The following CALN1 variants were observed in gnomAD, a reference collection of about 807,000 sequenced individuals.
CALN1 encodes calcium-binding protein 8.
Under a neutral mutation model 30.6 loss-of-function variants are expected in CALN1, and 17 were observed. The observed-to-expected ratio is 0.56, with a 90% confidence interval of 0.38 to 0.83. The LOEUF is 0.83. Among genes scored for constraint, CALN1 ranks in the 40% least tolerant of loss-of-function variants. CALN1 has a pLI of 0.00. For synonymous variants in CALN1, 156 were observed against 131.4 expected (o/e 1.19, Z -1.28); for missense variants, 291 against 354.9 (o/e 0.82, Z 1.45).
chr7:71,826,256 G>T (rs987076875), intron 5 of CALN1, among the ~76,000 whole-genome samples: 1 of 151,960 alleles, frequency 6.6e-6, no homozygotes, highest in Admixed American at 6.6e-5. Flanking sequence ...CTAAGCCTCT[G>T]CAGTCGACCC....
intron 3 of CALN1, among the ~76,000 whole-genome samples, chr7:72,260,625 A>G (rs1796202192): frequency 6.6e-6 from 1 of 152,192 alleles, no homozygotes; most frequent in Non-Finnish European, 1.5e-5. Flanking sequence ...GGAGTAGCAC[A>G]AAACCATGAT....
At chr7:72,165,526 T>G (rs1254343882) in intron 3 of CALN1, among the ~76,000 whole-genome samples, 1 of 151,736 alleles carries the variant, frequency 6.6e-6, no homozygotes, top group Non-Finnish European at 1.5e-5. Flanking sequence ...ACGCAGAGTA[T>G]GCAGCAAGTT....
chr7:72,098,763 C>T (rs113852412), intron 4 of CALN1, among the ~76,000 whole-genome samples: 1 of 54,228 alleles, frequency 1.8e-5, no homozygotes, highest in African/African-American at 6.5e-5. Context: ...CCATTTGGCG[C>T]GCACACACAC....
At chr7:71,901,716 T>C (rs1220553537) in intron 5 of CALN1, among the ~76,000 whole-genome samples, 1 of 152,114 alleles carries the variant, frequency 6.6e-6, no homozygotes, top group African/African-American at 2.4e-5. Context: ...TGGAGAGCCA[T>C]ATGCAGAAAA....
At position 72,363,635 on chromosome 7, in the gene CALN1, G is replaced by C. The variant is rs530637576; in HGVS notation, c.119+39616C>G. Among the ~76,000 whole-genome samples the C allele has an allele frequency of 1.3e-4, 20 of 151,752 alleles. 1 individual carries two copies. In the South Asian group the frequency reaches 3.8e-3, roughly 29 times the overall value. ...TTAATAGACACAAAATGTTGAAAGTGAAAGTACTGACAGCAGGCATTCATT... is the reference window on the plus strand; with the variant it reads ...TTAATAGACACAAAATGTTGAAAGTCAAAGTACTGACAGCAGGCATTCATT... On this transcript the variant is annotated intron_variant, in intron 2 of 6. Coordinates refer to ENST00000395275, the MANE Select transcript of CALN1 (RefSeq NM_031468.4).
At chr7:71,829,181 A>C (rs940740990) in intron 5 of CALN1, among the ~76,000 whole-genome samples, 3 of 152,188 alleles carry the variant, frequency 2.0e-5, no homozygotes, top group Non-Finnish European at 4.4e-5. Flanking sequence ...TAAACTTTCT[A>C]AATTAACTGA....
At chr7:72,101,773 T>G (rs1806684775) in intron 4 of CALN1, among the ~76,000 whole-genome samples, 1 of 152,156 alleles carries the variant, frequency 6.6e-6, no homozygotes, top group Non-Finnish European at 1.5e-5. Context: ...AGAGACTTCC[T>G]GCCCATCTCC....
intron 5 of CALN1, among the ~76,000 whole-genome samples, chr7:71,977,932 TAAAAAAAAAA>T (rs59155068): frequency 2.5e-5 from 3 of 118,738 alleles, no homozygotes; most frequent in African/African-American, 6.3e-5. Context: ...ACTCTGTCTT[TAAAAAAAAAA>T]AAAAAAAAAG....
At chr7:72,157,434 C>A (rs1787776523) in intron 3 of CALN1, among the ~76,000 whole-genome samples, 1 of 152,056 alleles carries the variant, frequency 6.6e-6, no homozygotes, top group Non-Finnish European at 1.5e-5. Context: ...TACGGGAGGA[C>A]TCAGGGGCTT....
chr7:71,786,745 A>G lies in CALN1; in HGVS notation c.*1030T>C, dbSNP rs1584203683. ...GTAAGATGCACAAGGACCTTAACTT[A>G]CAAAGGTCATCCGGCATAGAGACGT... On this transcript the variant is annotated 3_prime_UTR_variant, in exon 7 of 7. Coordinates refer to ENST00000395275, the MANE Select transcript of CALN1 (RefSeq NM_031468.4). The G allele has an allele frequency of 6.6e-6, 1 of 152,274 alleles. No individual in the cohort carries two copies. The highest frequency in any genetic ancestry group is 1.9e-4 in the East Asian group (1 of 5,158). The allele number at this position is 152,274 out of a possible 1,614,324, so 9.4% of individuals were successfully genotyped here. A position where few individuals can be genotyped will look rare whatever the true frequency, so the allele number is the denominator to read the frequency against.
In CALN1 at chr7:72,430,042, A is replaced by C. The variant is rs1454120307; in HGVS notation, c.-226+17000T>G. Among the ~76,000 whole-genome samples, 4 of 151,010 alleles carry C rather than the reference A, an allele frequency of 2.6e-5. No individual in the cohort carries two copies. In the South Asian group the frequency reaches 6.3e-4, roughly 24 times the overall value. On this transcript the variant is annotated intron_variant, in intron 1 of 6. Coordinates refer to the CALN1 transcript ENST00000395276. ...CACCTTGTTGGCCAGGCTGGTCTCA[A>C]ACTCCTGATCTCAGGTGATCTGCCC...
intron 2 of CALN1, among the ~76,000 whole-genome samples, chr7:72,279,661 G>C (rs926758878): frequency 6.6e-6 from 1 of 152,218 alleles, no homozygotes; most frequent in African/African-American, 2.4e-5. Context: ...GGACAGCAAA[G>C]ACAATGGAAG....
At chr7:71,916,663 C>T (rs1794702325) in intron 5 of CALN1, among the ~76,000 whole-genome samples, 1 of 151,968 alleles carries the variant, frequency 6.6e-6, no homozygotes, top group Non-Finnish European at 1.5e-5. Context: ...ACACTGGGCA[C>T]CTGTGCTGGG....
chr7:72,160,534 C>G (rs1788031621), intron 3 of CALN1, among the ~76,000 whole-genome samples: 1 of 152,104 alleles, frequency 6.6e-6, no homozygotes, highest in South Asian at 2.1e-4. Flanking sequence ...CCACCTCGAC[C>G]CCTCAAAGTG....
chr7:72,291,446 T>TCA (rs998980778), intron 2 of CALN1, among the ~76,000 whole-genome samples: 1 of 152,162 alleles, frequency 6.6e-6, no homozygotes, highest in African/African-American at 2.4e-5. Flanking sequence ...TCCCCGTCCA[T>TCA]CACACAGGGC....
At chr7:72,358,084 T>C (rs1803348077) in intron 2 of CALN1, among the ~76,000 whole-genome samples, 1 of 151,734 alleles carries the variant, frequency 6.6e-6, no homozygotes, top group Non-Finnish European at 1.5e-5. Context: ...CTCAAACTCC[T>C]GAGCTCAAGT....
At chr7:71,792,686 A>T (rs536298597) in intron 6 of CALN1, among the ~76,000 whole-genome samples, 19 of 152,156 alleles carry the variant, frequency 1.2e-4, no homozygotes, top group Admixed American at 5.2e-4. Context: ...ATGTGGAAGT[A>T]GCATATCCTA....
At chr7:72,189,034 A>C (rs1468165985) in intron 3 of CALN1, among the ~76,000 whole-genome samples, 2 of 152,228 alleles carry the variant, frequency 1.3e-5, no homozygotes, top group African/African-American at 4.8e-5. Flanking sequence ...AGAGAGAAGC[A>C]GAAGGAACTG....
At chr7:72,297,368 A>G (rs770233617) in intron 2 of CALN1, among the ~76,000 whole-genome samples, 1 of 152,212 alleles carries the variant, frequency 6.6e-6, no homozygotes, top group Non-Finnish European at 1.5e-5. Flanking sequence ...TGAAAAAGCT[A>G]GTTCTCCAGA....
Sources: gnomAD v4.1 joint callset for allele counts (sites outside exome capture counted in the v4.1 genomes callset) on GRCh38, gnomAD v4.1.1 for gene constraint, MANE v1.5 for transcripts, NCBI Gene and HGNC (gene_info 2026-07-23, HGNC 2026-07-21) for gene names.